The following SOS1 variants were observed in gnomAD, a reference collection of about 807,000 sequenced individuals.
SOS1 encodes the protein son of sevenless homolog 1.
A neutral mutation model predicts 157.6 loss-of-function variants in SOS1; 25 were observed. The observed-to-expected ratio is 0.16, with a 90% confidence interval of 0.12 to 0.22. The LOEUF (loss-of-function observed/expected upper bound fraction) is 0.22, where lower values mean the gene tolerates loss of function less well. Among genes scored for constraint, SOS1 ranks in the 10% least tolerant of loss-of-function variants. The pLI is 1.00. For missense variants in SOS1, 1,237 were observed against 1,599.1 expected (o/e 0.77, Z 3.86); for synonymous variants, 528 against 534.0 (o/e 0.99, Z 0.16).
intron 1 of SOS1, chr2:39,082,614 T>C (rs1672244699): frequency 6.6e-6 from 1 of 152,206 alleles, no homozygotes; most frequent in Admixed American, 6.5e-5. Flanking sequence ...GCACGTATAC[T>C]GAAAACGAAA....
chr2:39,104,336 T>G (rs1282836410), intron 1 of SOS1, among the ~76,000 whole-genome samples: 2 of 152,142 alleles, frequency 1.3e-5, no homozygotes, highest in Admixed American at 6.5e-5. Flanking sequence ...TGAATAGACA[T>G]TTCTATAAAG....
chr2:39,029,938 G>T (rs1383769789), intron 8 of SOS1, among the ~76,000 whole-genome samples: 1 of 152,054 alleles, frequency 6.6e-6, no homozygotes, highest in East Asian at 1.9e-4. Flanking sequence ...AGGTCTAGGT[G>T]GGAGAAGCCC....
At chr2:39,004,499 G>A (rs1450782950) in intron 17 of SOS1, among the ~76,000 whole-genome samples, 1 of 150,916 alleles carries the variant, frequency 6.6e-6, no homozygotes, top group Non-Finnish European at 1.5e-5. Flanking sequence ...TAAATAATTT[G>A]GGTGGGGAAA....
chr2:38,995,302 AGAG>A lies in SOS1; in HGVS notation c.3164_3166del (p.Pro1055del). 1 of 1,613,984 alleles carries A rather than the reference AGAG, an allele frequency of 6.2e-7. No homozygotes were observed. The highest frequency in any genetic ancestry group is 8.5e-7 in the Non-Finnish European group (1 of 1,179,904). ...ACTAATTTTCCTTGGCTCCTGCTGC[AGAG>A]GTGTGGGATGCCTCATGGTACCTGG... On this transcript the variant is annotated inframe_deletion, in exon 20 of 23. Transcript: ENST00000402219.
chr2:39,042,394 T>C (rs1345028887), intron 6 of SOS1, among the ~76,000 whole-genome samples: 2 of 152,026 alleles, frequency 1.3e-5, no homozygotes, highest in African/African-American at 4.8e-5. Flanking sequence ...AATCTAATTT[T>C]ATGTATTTAT....
intron 19 of SOS1, among the ~76,000 whole-genome samples, chr2:38,996,414 G>A (rs1415654923): frequency 6.6e-6 from 1 of 152,162 alleles, no homozygotes; most frequent in Admixed American, 6.5e-5. Context: ...TTATGAACAA[G>A]AGAGTACATA....
intron 5 of SOS1, among the ~76,000 whole-genome samples, chr2:39,052,554 C>A (rs1004340388): frequency 3.3e-4 from 51 of 152,296 alleles, no homozygotes; most frequent in African/African-American, 1.2e-3. Context: ...TAAATGGAAT[C>A]ATATATTGTC....
chr2:39,036,596 C>G (rs1175387024), intron 6 of SOS1, among the ~76,000 whole-genome samples: 2 of 149,154 alleles, frequency 1.3e-5, no homozygotes, highest in Non-Finnish European at 3.0e-5. Context: ...CTTTTTGGGA[C>G]GGAGTCTCCC....
At chr2:39,092,665 T>G (rs1672636317) in intron 1 of SOS1, among the ~76,000 whole-genome samples, 1 of 152,208 alleles carries the variant, frequency 6.6e-6, no homozygotes, top group Non-Finnish European at 1.5e-5. Context: ...TTTCTGTTGG[T>G]GGGTTGAATG....
At chr2:38,994,091 G>A (rs1668816474) in intron 20 of SOS1, among the ~76,000 whole-genome samples, 3 of 152,286 alleles carry the variant, frequency 2.0e-5, no homozygotes, top group South Asian at 4.1e-4. Context: ...TGTCTGAACT[G>A]AGATGTGCTG....
rs1406688877 is a variant in SOS1 at position 38,985,762 on chromosome 2, G to A, written c.*62C>T. ...TAACTCCTCAGTGCTGGCACATTCA[G>A]TGCATCCATTGCCAGCAATGGATTT... On this transcript the variant is annotated 3_prime_UTR_variant, in exon 23 of 23. Transcript: ENST00000402219. The A allele has an allele frequency of 6.3e-7, 1 of 1,589,964 alleles. No homozygotes were observed. The highest frequency in any genetic ancestry group is 2.2e-5 in the East Asian group (1 of 44,604).
intron 6 of SOS1, among the ~76,000 whole-genome samples, chr2:39,044,862 GCGCA>G (rs1670702601): frequency 3.0e-5 from 1 of 33,084 alleles, no homozygotes; most frequent in Non-Finnish European, 9.5e-5. Flanking sequence ...GCGCGCGCGC[GCGCA>G]CACACACACA....
intron 14 of SOS1, 108 bp from the exon 15 acceptor site, chr2:39,010,811 C>T: frequency 2.4e-6 from 2 of 848,360 alleles, no homozygotes; most frequent in East Asian, 5.1e-5. Context: ...ATGAACTTTC[C>T]TCTTATACCA....
At chr2:39,042,854 T>C (rs1341410551) in intron 6 of SOS1, among the ~76,000 whole-genome samples, 2 of 152,050 alleles carry the variant, frequency 1.3e-5, no homozygotes, top group African/African-American at 4.8e-5. Context: ...CTGAGCACAG[T>C]AATGCTACCA....
intron 17 of SOS1, among the ~76,000 whole-genome samples, chr2:39,002,621 G>A (rs1206562620): frequency 6.6e-6 from 1 of 152,186 alleles, no homozygotes; most frequent in Non-Finnish European, 1.5e-5. Context: ...AGAAATATAC[G>A]TTGACAGATT....
chr2:39,052,276 T>C (rs1032492945), intron 5 of SOS1, among the ~76,000 whole-genome samples: 1 of 151,354 alleles, frequency 6.6e-6, no homozygotes, highest in Non-Finnish European at 1.5e-5. Flanking sequence ...GTTACTATTA[T>C]TTGATTTTTT....
chr2:38,999,885 T>TCC (rs1669032289), intron 17 of SOS1, among the ~76,000 whole-genome samples: 1 of 152,162 alleles, frequency 6.6e-6, no homozygotes, highest in Non-Finnish European at 1.5e-5. Context: ...TTAGAAGGAT[T>TCC]TTGTTTGCAT....
At position 39,110,736 on chromosome 2, in the gene SOS1, G is replaced by A. The variant is rs576923867; in HGVS notation, c.87+9600C>T. On this transcript the variant is annotated intron_variant, in intron 1 of 22. Coordinates refer to ENST00000402219, the MANE Select transcript of SOS1 (RefSeq NM_005633.4). ...TAAAAGACAACATTAGGAAAATATC[G>A]GCAAAGGGTTCTTAGATATAAGAGA... is the stretch of plus-strand genomic sequence containing the variant. Among the ~76,000 whole-genome samples, 5 of 152,236 alleles carry A rather than the reference G, an allele frequency of 3.3e-5. No individual in the cohort carries two copies. The South Asian group carries it at 8.3e-4, about 25-fold the overall frequency.
rs1310540432 is a variant in SOS1, at chr2:38,996,515, A to C, written c.3081+407T>G. Among the ~76,000 whole-genome samples, 3 of 152,326 alleles carry C rather than the reference A, an allele frequency of 2.0e-5. No individual in the cohort carries two copies. The East Asian group carries it at 5.8e-4, about 29-fold the overall frequency. ...AATGGAAACTTTATTTTCCCAAGAA[A>C]GTATTGTTAGCAAAACTTGGTATTT... On this transcript the variant is annotated intron_variant, in intron 19 of 22. Coordinates refer to ENST00000402219, the MANE Select transcript of SOS1 (RefSeq NM_005633.4).
Sources: allele counts gnomAD v4.1 joint callset (sites outside exome capture counted in the v4.1 genomes callset), GRCh38; gene constraint gnomAD v4.1.1; transcripts MANE v1.5; gene names NCBI Gene and HGNC (gene_info 2026-07-23, HGNC 2026-07-21).